FSTL1: variants seen among roughly 807,000 people sequenced by gnomAD.
The protein encoded by FSTL1 is follistatin like 1.
A neutral mutation model predicts 45.9 loss-of-function variants in FSTL1; 24 were observed. The observed-to-expected ratio is 0.52, with a 90% CI of 0.38 to 0.74. The LOEUF is 0.74. Among genes scored for constraint, FSTL1 ranks in the 30% least tolerant of loss-of-function variants. The probability of loss-of-function intolerance (pLI) is 0.00; values close to 1 mark genes in which losing one functional copy is unlikely to be tolerated. For synonymous variants in FSTL1, 120 were observed against 137.6 expected (o/e 0.87, Z 0.89); for missense variants, 340 against 381.8 (o/e 0.89, Z 0.91).
chr3:120,447,809 C>T (rs1937791159), intron 2 of FSTL1, among the ~76,000 whole-genome samples: 1 of 152,114 alleles, frequency 6.6e-6, no homozygotes, highest in African/African-American at 2.4e-5. Context: ...TGCTACCATG[C>T]CCAGGTAATT....
chr3:120,439,822 C>T (rs377384876), intron 2 of FSTL1, among the ~76,000 whole-genome samples: 2 of 152,218 alleles, frequency 1.3e-5, no homozygotes, highest in African/African-American at 2.4e-5. Flanking sequence ...TGCCTTAAAA[C>T]ATCCCCCAAG....
chr3:120,413,786 CCTCTCCCCCT>C (rs1937117580), intron 3 of FSTL1, among the ~76,000 whole-genome samples: 3 of 2,298 alleles, frequency 1.3e-3, no homozygotes, highest in African/African-American at 2.3e-3. Flanking sequence ...ACTCCCTCTC[CCTCTCCCCCT>C]CCCCCTCCCT....
At chr3:120,440,348 A>G (rs1224061187) in intron 2 of FSTL1, among the ~76,000 whole-genome samples, 1 of 152,176 alleles carries the variant, frequency 6.6e-6, no homozygotes, top group Non-Finnish European at 1.5e-5. Context: ...TGGAAAGTTA[A>G]ACGGCTGGGT....
intron 3 of FSTL1, among the ~76,000 whole-genome samples, chr3:120,414,042 C>A (rs1374046733): frequency 6.7e-6 from 1 of 148,320 alleles, no homozygotes; most frequent in African/African-American, 2.5e-5. Flanking sequence ...CTCGGCCTCC[C>A]GAGGTGCCGG....
intron 7 of FSTL1, among the ~76,000 whole-genome samples, chr3:120,404,335 C>T (rs989115334): frequency 2.6e-5 from 4 of 152,064 alleles, no homozygotes; most frequent in African/African-American, 9.7e-5. Flanking sequence ...TAATTCTTAC[C>T]GATGTGCTGA....
intron 3 of FSTL1, among the ~76,000 whole-genome samples, chr3:120,412,268 CA>C (rs1937072232): frequency 6.6e-6 from 1 of 152,162 alleles, no homozygotes; most frequent in African/African-American, 2.4e-5. Context: ...GTGATCCCTC[CA>C]AAATTCATGT....
At position 120,424,009 on chromosome 3, in the gene FSTL1, C is replaced by T. The variant is rs191192769; in HGVS notation, c.64-7982G>A. On this transcript the variant is annotated intron_variant, in intron 2 of 10. Transcript: ENST00000295633. Reference sequence around the variant, plus strand: ...AAGGCCAATGTAGAGAGTATAAATCCTCCAGTCTTCTTCAGTAATGGCCAA... The same window carrying T: ...AAGGCCAATGTAGAGAGTATAAATCTTCCAGTCTTCTTCAGTAATGGCCAA... 1.2e-3 allele frequency: 177 copies of T among 152,284 alleles called. 2 individuals are homozygous for T. The highest frequency in any genetic ancestry group is 4.1e-3 in the African/African-American group (172 of 41,548). 9.4% of individuals were successfully genotyped at this position (152,284 alleles called of 1,614,324 possible).
At chr3:120,450,527 C>T (rs966413084) in intron 2 of FSTL1, among the ~76,000 whole-genome samples, 157 bp downstream of exon 2, 5 of 152,202 alleles carry the variant, frequency 3.3e-5, no homozygotes, top group African/African-American at 9.6e-5. Context: ...GTTTCGTAAG[C>T]AGCATTACTG....
In FSTL1 at chr3:120,394,727, C is replaced by G. The variant is rs537265216; in HGVS notation, c.*2225G>C. On this transcript the variant is annotated 3_prime_UTR_variant, in exon 11 of 11. Transcript: ENST00000295633. ...CCATGCAAAACTTTATGGAAGACTCCCCAGACTAGGCTATTTAGCAGCTTC... is the reference window on the plus strand; with the variant it reads ...CCATGCAAAACTTTATGGAAGACTCGCCAGACTAGGCTATTTAGCAGCTTC... 1.3e-5 allele frequency: 2 copies of G among 152,140 alleles called. No individual in the cohort carries two copies. The highest frequency in any genetic ancestry group is 2.9e-5 in the Non-Finnish European group (2 of 68,032). 9.4% of individuals were successfully genotyped at this position (152,140 alleles called of 1,614,324 possible).
At chr3:120,437,381 T>C (rs1937581708) in intron 2 of FSTL1, among the ~76,000 whole-genome samples, 1 of 152,166 alleles carries the variant, frequency 6.6e-6, no homozygotes, top group Non-Finnish European at 1.5e-5. Flanking sequence ...CTTCACACCA[T>C]AAAAATAAGC....
intron 2 of FSTL1, 23 bp downstream of exon 2, chr3:120,450,661 G>C (rs754841519): frequency 2.0e-6 from 3 of 1,531,200 alleles, no homozygotes; most frequent in Admixed American, 1.9e-5. Context: ...GACCGAGTTC[G>C]GACTCCTCGG....
At chr3:120,424,999 G>A (rs1205359894) in intron 2 of FSTL1, among the ~76,000 whole-genome samples, 1 of 152,148 alleles carries the variant, frequency 6.6e-6, no homozygotes, top group East Asian at 1.9e-4. Flanking sequence ...AAAAAGGTGG[G>A]CATGGAAGGC....
At chr3:120,405,881 C>T (rs1013873002) in intron 6 of FSTL1, among the ~76,000 whole-genome samples, 2 of 152,174 alleles carry the variant, frequency 1.3e-5, no homozygotes, top group African/African-American at 2.4e-5. Flanking sequence ...TAACAAATTT[C>T]AATAACATTT....
At chr3:120,412,049 A>AGAG in intron 3 of FSTL1, 66 bp from the exon 4 acceptor site, 45 of 662,992 alleles carry the variant, frequency 6.8e-5, no homozygotes, top group Non-Finnish European at 9.7e-5. Context: ...ACACACACAC[A>AGAG]CATACATGCA....
At chr3:120,400,784 C>T (rs1301913161) in intron 9 of FSTL1, among the ~76,000 whole-genome samples, 1 of 152,114 alleles carries the variant, frequency 6.6e-6, no homozygotes, top group Non-Finnish European at 1.5e-5. Flanking sequence ...CTGAAAATGC[C>T]CCAGAATGCT....
At chr3:120,441,640 ATGTG>A (rs1167779883) in intron 2 of FSTL1, among the ~76,000 whole-genome samples, 1 of 152,244 alleles carries the variant, frequency 6.6e-6, no homozygotes, top group Non-Finnish European at 1.5e-5. Flanking sequence ...ACGTGCGTGA[ATGTG>A]TGTGCAAACA....
At chr3:120,428,175 C>T (rs924701797) in intron 2 of FSTL1, among the ~76,000 whole-genome samples, 1 of 152,226 alleles carries the variant, frequency 6.6e-6, no homozygotes, top group African/African-American at 2.4e-5. Context: ...CTACTCCCCT[C>T]TGTCTCATCC....
chr3:120,404,340 T>C (rs974556574), intron 7 of FSTL1, among the ~76,000 whole-genome samples: 1 of 152,242 alleles, frequency 6.6e-6, no homozygotes, highest in Non-Finnish European at 1.5e-5. Flanking sequence ...CTTACCGATG[T>C]GCTGAAACCA....
At position 120,395,452 on chromosome 3, in the gene FSTL1, C is replaced by G. The variant is rs1214474366; in HGVS notation, c.*1500G>C. On this transcript the variant is annotated 3_prime_UTR_variant, in exon 11 of 11. Transcript: ENST00000295633. Reference sequence around the variant, plus strand: ...TGTTGAATCTGAAACTTTCTTTTATCCTCATCTCTAAGGGAATGCTTTCTA... The same window carrying G: ...TGTTGAATCTGAAACTTTCTTTTATGCTCATCTCTAAGGGAATGCTTTCTA... 1 of 354,368 alleles carries G rather than the reference C, an allele frequency of 2.8e-6. No individual in the cohort carries two copies. The highest frequency in any genetic ancestry group is 5.4e-6 in the Non-Finnish European group (1 of 183,738). The allele number at this position is 354,368 out of a possible 1,614,324, so 22.0% of individuals were successfully genotyped here.
Sources: allele counts gnomAD v4.1 joint callset (sites outside exome capture counted in the v4.1 genomes callset), GRCh38; gene constraint gnomAD v4.1.1; transcripts MANE v1.5; gene names NCBI Gene and HGNC (gene_info 2026-07-23, HGNC 2026-07-21).